Variants in GIT2 observed in about 807,000 individuals in gnomAD.
The protein encoded by GIT2 is ARF GTPase-activating protein GIT2.
In GIT2, 32 loss-of-function variants were observed where a neutral mutation model predicts 100.3. The ratio of observed to expected loss-of-function variants is 0.32; its 90% CI spans 0.24 to 0.43. GIT2 has a LOEUF of 0.43. Among genes scored for constraint, GIT2 ranks in the 20% least tolerant of loss-of-function variants. The pLI is 1.00. For missense variants in GIT2, 737 were observed against 975.1 expected (o/e 0.76, Z 3.25); for synonymous variants, 353 against 364.1 (o/e 0.97, Z 0.35).
At chr12:109,964,527 G>C (rs1215249235) in intron 9 of GIT2, among the ~76,000 whole-genome samples, 1 of 151,872 alleles carries the variant, frequency 6.6e-6, no homozygotes, top group Non-Finnish European at 1.5e-5. Flanking sequence ...CAGAGAGATG[G>C]AAGCTGGGAA....
At chr12:109,967,239 G>A in intron 8 of GIT2, 13 of 986,070 alleles carry the variant, frequency 1.3e-5, no homozygotes, top group Non-Finnish European at 2.0e-5. Flanking sequence ...CAATATCACT[G>A]GTTTCAATTT....
chr12:109,945,568 A>G (rs1876100784), intron 15 of GIT2, among the ~76,000 whole-genome samples: 2 of 152,206 alleles, frequency 1.3e-5, no homozygotes, highest in Non-Finnish European at 2.9e-5. Context: ...GCTTTTCCAT[A>G]AGGGAAATAC....
At chr12:109,955,823 C>T (rs1000001728) in intron 12 of GIT2, among the ~76,000 whole-genome samples, 6 of 152,172 alleles carry the variant, frequency 3.9e-5, no homozygotes, top group African/African-American at 1.4e-4. Context: ...AAGTGATCCT[C>T]CTGCCTCAGC....
intron 17 of GIT2, 118 bp from the exon 18 acceptor site, chr12:109,938,686 C>G (rs1818428268): frequency 1.4e-6 from 1 of 690,888 alleles, no homozygotes; most frequent in Non-Finnish European, 2.4e-6. Context: ...TCGTCATTTC[C>G]TTTATCCTGT....
chr12:109,961,159 T>C lies in GIT2; in HGVS notation c.987+119A>G. 5 of 623,376 alleles carry C rather than the reference T, an allele frequency of 8.0e-6. No homozygotes were observed. In the South Asian group the frequency reaches 9.9e-5, roughly 12 times the overall value. The allele number at this position is 623,376 out of a possible 1,614,324, so 38.6% of individuals were successfully genotyped here. A position where few individuals can be genotyped will look rare whatever the true frequency, so the allele number is the denominator to read the frequency against. On this transcript the variant is annotated intron_variant, in intron 11 of 19. Coordinates refer to ENST00000355312, the MANE Select transcript of GIT2 (RefSeq NM_057169.5). ...AATTTGGGGGTTGTGTGTGTATATATGTATAAAGGATATTAAATTTTAATC... is the reference window on the plus strand; with the variant it reads ...AATTTGGGGGTTGTGTGTGTATATACGTATAAAGGATATTAAATTTTAATC...
intron 12 of GIT2, among the ~76,000 whole-genome samples, chr12:109,956,967 A>T (rs546569728): frequency 6.6e-6 from 1 of 151,980 alleles, no homozygotes; most frequent in Admixed American, 6.6e-5. Flanking sequence ...GCAGTGAGCC[A>T]AGATCGCGCC....
At chr12:109,984,491 G>C (rs1886961060) in intron 4 of GIT2, among the ~76,000 whole-genome samples, 1 of 152,062 alleles carries the variant, frequency 6.6e-6, no homozygotes, top group Non-Finnish European at 1.5e-5. Context: ...CTGTCATCCA[G>C]GCTGGAGTGC....
Position 109,948,599 on chromosome 12 carries a change from A to G in GIT2, c.1393-1095T>C. 1 of 1,406,646 alleles carries G rather than the reference A, an allele frequency of 7.1e-7. No individual in the cohort carries two copies. Among genetic ancestry groups the G allele is most frequent in the Non-Finnish European group, 9.2e-7 (1 of 1,088,202 alleles). 87.1% of individuals were successfully genotyped at this position (1,406,646 alleles called of 1,614,324 possible). ...CTTCATCTTCCATGGACATTCTATAAGCTGGGTGTGGTGTGAGTTCAGCTG... is the reference window on the plus strand; with the variant it reads ...CTTCATCTTCCATGGACATTCTATAGGCTGGGTGTGGTGTGAGTTCAGCTG... On this transcript the variant is annotated intron_variant, in intron 14 of 19. Transcript: ENST00000355312. The surrounding 1 kb of genome is among the most constrained non-coding windows in gnomAD (Gnocchi z 4.3).
At chr12:109,964,501 T>C (rs1266054567) in intron 9 of GIT2, among the ~76,000 whole-genome samples, 1 of 152,020 alleles carries the variant, frequency 6.6e-6, no homozygotes, top group African/African-American at 2.4e-5. Context: ...ACTGGTCAGA[T>C]TTCAGGTCCT....
At position 109,996,268 on chromosome 12, in the gene GIT2, G is replaced by A; in HGVS notation, c.-44C>T. 3 of 1,406,136 alleles carry A rather than the reference G, an allele frequency of 2.1e-6. No individual in the cohort carries two copies. The highest frequency in any genetic ancestry group is 2.7e-5 in the East Asian group (1 of 36,548). The allele number at this position is 1,406,136 out of a possible 1,614,324, so 87.1% of individuals were successfully genotyped here. ...GCGGGGAACTAGAGGCCGGGGGACA[G>A]CAAAGGCGGCGGTGGCGGCGGCGCT... is the stretch of plus-strand genomic sequence containing the variant. On this transcript the variant is annotated 5_prime_UTR_variant, in exon 1 of 20. Transcript: ENST00000355312.
intron 4 of GIT2, among the ~76,000 whole-genome samples, chr12:109,985,210 C>CT (rs574307899): frequency 1.7e-3 from 266 of 152,218 alleles, no homozygotes; most frequent in African/African-American, 6.2e-3. Flanking sequence ...TCAAGCAACC[C>CT]TTCCACCTCA....
At position 109,948,554 on chromosome 12, in the gene GIT2, G is replaced by T; in HGVS notation, c.1393-1050C>A. On this transcript the variant is annotated intron_variant, in intron 14 of 19. Coordinates refer to ENST00000355312, the MANE Select transcript of GIT2 (RefSeq NM_057169.5). This position sits in a 1 kb window ranked among gnomAD's most constrained non-coding sequence, Gnocchi z 4.3. ...ATTCACCACGTCCATTCTGCGCAGG[G>T]TCCTTCCCTTCTGGTGCGCCTTCAT... 7.3e-7 allele frequency: 1 copy of T among 1,367,168 alleles called. No homozygotes were observed. The highest frequency in any genetic ancestry group is 9.4e-7 in the Non-Finnish European group (1 of 1,066,028). The allele number at this position is 1,367,168 out of a possible 1,614,324, so 84.7% of individuals were successfully genotyped here.
intron 7 of GIT2, among the ~76,000 whole-genome samples, chr12:109,979,477 G>A (rs1885858523): frequency 6.6e-6 from 1 of 152,028 alleles, no homozygotes; most frequent in East Asian, 1.9e-4. Context: ...GTTTCACCAT[G>A]TTGGCCAGGA....
intron 7 of GIT2, among the ~76,000 whole-genome samples, chr12:109,975,647 A>G (rs1230713757): frequency 1.3e-5 from 2 of 151,560 alleles, no homozygotes; most frequent in Non-Finnish European, 2.9e-5. Flanking sequence ...TTTGGTCCTT[A>G]GTTTTTTGTT....
rs988945404 is a variant in GIT2 at position 109,933,340 on chromosome 12, C to G, written c.2068-150G>C. ...TTCTCAAAGGGGTGCTTCACACACT[C>G]CAAGCTTTGCAGCCCACAGCGTAAG... On this transcript the variant is annotated intron_variant, in intron 19 of 19. Coordinates refer to ENST00000355312, the MANE Select transcript of GIT2 (RefSeq NM_057169.5). The surrounding 1 kb of genome is among the most constrained non-coding windows in gnomAD (Gnocchi z 4.5). 10 of 595,776 alleles carry G rather than the reference C, an allele frequency of 1.7e-5. No homozygotes were observed. In the African/African-American group the frequency reaches 1.9e-4, roughly 11 times the overall value. The allele number at this position is 595,776 out of a possible 1,614,324, so 36.9% of individuals were successfully genotyped here.
intron 3 of GIT2, among the ~76,000 whole-genome samples, chr12:109,989,469 T>C (rs1178171234): frequency 6.6e-6 from 1 of 152,162 alleles, no homozygotes; most frequent in African/African-American, 2.4e-5. Flanking sequence ...AAGCCATGGT[T>C]TCCAACTGAG....
rs182052439 is a variant in GIT2 at position 109,948,822 on chromosome 12, A to G, written c.1393-1318T>C. The G allele has an allele frequency of 4.7e-5, 76 of 1,603,336 alleles. No individual in the cohort carries two copies. The highest frequency in any genetic ancestry group is 1.2e-4 in the Admixed American group (7 of 58,586). ...ACACCAATAGTAGTTGCTCCTCTTCATTAATTAGCATCTTTTCCAAGCAAC... is the reference window on the plus strand; with the variant it reads ...ACACCAATAGTAGTTGCTCCTCTTCGTTAATTAGCATCTTTTCCAAGCAAC... On this transcript the variant is annotated intron_variant, in intron 14 of 19. Coordinates refer to ENST00000355312, the MANE Select transcript of GIT2 (RefSeq NM_057169.5). This position sits in a 1 kb window ranked among gnomAD's most constrained non-coding sequence, Gnocchi z 4.3.
In GIT2 at chr12:109,934,811, C is replaced by T. The variant is rs1253953851; in HGVS notation, c.2004-726G>A. On this transcript the variant is annotated intron_variant, in intron 18 of 19. Transcript: ENST00000355312. The surrounding 1 kb of genome is among the most constrained non-coding windows in gnomAD (Gnocchi z 4.5). ...AAACTGTCGGCCGGGCGCAGTGGCT[C>T]ACGCCTGTAATCCCAGCACTTTGGG... Among the ~76,000 whole-genome samples the T allele has an allele frequency of 1.3e-5, 2 of 152,222 alleles. No individual in the cohort carries two copies. Among genetic ancestry groups the T allele is most frequent in the African/African-American group, 4.8e-5 (2 of 41,466 alleles).
At chr12:109,963,262 G>A (rs543277506) in intron 9 of GIT2, among the ~76,000 whole-genome samples, 6 of 152,128 alleles carry the variant, frequency 3.9e-5, no homozygotes, top group African/African-American at 7.2e-5. Flanking sequence ...AAATGTGGTC[G>A]CACTATAATT....
Sources: allele counts gnomAD v4.1 joint callset (sites outside exome capture counted in the v4.1 genomes callset), GRCh38; gene constraint gnomAD v4.1.1; non-coding constraint Gnocchi (gnomAD v3.1); transcripts MANE v1.5; gene names NCBI Gene and HGNC (gene_info 2026-07-23, HGNC 2026-07-21).